Variants in USP40 observed in about 807,000 individuals in gnomAD.
USP40 encodes the protein ubiquitin carboxyl-terminal hydrolase 40.
Under a neutral mutation model 166.2 loss-of-function variants are expected in USP40, and 143 were observed. That is an observed-to-expected ratio of 0.86 (90% CI 0.75 to 0.99). USP40 has a LOEUF of 0.99. Among genes scored for constraint, USP40 ranks in the 50% least tolerant of loss-of-function variants. The pLI, the probability that USP40 is intolerant of heterozygous loss-of-function variation, is 0.00. For synonymous variants in USP40, 498 were observed against 524.0 expected (o/e 0.95, Z 0.68); for missense variants, 1,444 against 1,479.7 (o/e 0.98, Z 0.40).
intron 30 of USP40, among the ~76,000 whole-genome samples, chr2:233,483,362 G>A (rs1369534499): frequency 4.6e-5 from 7 of 152,180 alleles, no homozygotes; most frequent in South Asian, 2.1e-4. Flanking sequence ...ATAATGGCAC[G>A]TGCCTGTGGT....
At chr2:233,531,154 C>A (rs1362586971) in intron 11 of USP40, among the ~76,000 whole-genome samples, 2 of 152,122 alleles carry the variant, frequency 1.3e-5, no homozygotes, top group Non-Finnish European at 2.9e-5. Flanking sequence ...TGAAGAGCTA[C>A]CTTACCACGG....
chr2:233,556,770 C>A, intron 5 of USP40, 85 bp downstream of exon 5: 1 of 1,263,822 alleles, frequency 7.9e-7, no homozygotes, highest in Non-Finnish European at 1.0e-6. Context: ...ACACTTTAAT[C>A]CTTGTGTGGT....
At position 233,476,669 on chromosome 2, in the gene USP40, C is replaced by G. The variant is rs1052242944; in HGVS notation, c.*723G>C. On this transcript the variant is annotated 3_prime_UTR_variant, in exon 32 of 32. Coordinates refer to ENST00000678225, the MANE Select transcript of USP40 (RefSeq NM_001365479.2). ...GCTGCAGTCCTCGGGATCCAAGGAC[C>G]TTCTGATCACAGAGCACCCAGGATA... The G allele has an allele frequency of 6.5e-6, 1 of 153,506 alleles. No homozygotes were observed. Among genetic ancestry groups the G allele is most frequent in the Admixed American group, 6.5e-5 (1 of 15,498 alleles). 9.5% of individuals were successfully genotyped at this position (153,506 alleles called of 1,614,324 possible).
chr2:233,513,507 A>G (rs940232373), intron 18 of USP40, among the ~76,000 whole-genome samples: 1 of 152,124 alleles, frequency 6.6e-6, no homozygotes, highest in Non-Finnish European at 1.5e-5. Context: ...TTATGTGATG[A>G]ATTGTGCCCT....
In USP40 at chr2:233,554,421, A is replaced by C; in HGVS notation, c.652T>G (p.Tyr218Asp). ...EEEVFDCDNL[Y>D]HCGTCDRLVK... The stretch of plus-strand genomic sequence containing the variant: ...AGCCTGTCACAAGTTCCACAGTGGT[A>C]CAAGTTGTCACAATCAAAAACTTCC... The change falls in exon 6 of 32, where the codon TAC (tyrosine) becomes GAC (aspartate). Residue 218 changes from tyrosine (Y) to aspartate (D), a missense_variant. Transcript: ENST00000678225. 1.9e-6 allele frequency: 3 copies of C among 1,613,260 alleles called. No homozygotes were observed. The highest frequency in any genetic ancestry group is 2.5e-6 in the Non-Finnish European group (3 of 1,179,616).
intron 20 of USP40, among the ~76,000 whole-genome samples, chr2:233,510,392 CTTTTTTTTTTT>C (rs1158427662): frequency 4.4e-5 from 3 of 68,690 alleles, no homozygotes; most frequent in South Asian, 5.1e-4. Flanking sequence ...CTTTTTCTTT[CTTTTTTTTTTT>C]TTTTTTTTTT....
chr2:233,521,911 C>A (rs770132312), intron 16 of USP40, among the ~76,000 whole-genome samples: 12 of 152,196 alleles, frequency 7.9e-5, no homozygotes, highest in Non-Finnish European at 1.2e-4. Context: ...ACATTTAGCA[C>A]TTACTGTGTG....
At position 233,524,519 on chromosome 2, in the gene USP40, T is replaced by C; in HGVS notation, c.1854A>G (p.Glu618=). 1 of 1,607,326 alleles carries C rather than the reference T, an allele frequency of 6.2e-7. No homozygotes were observed. The highest frequency in any genetic ancestry group is 8.5e-7 in the Non-Finnish European group (1 of 1,177,440). Reference sequence around the variant, plus strand: ...CCACCCCATTCCACACAAAGATGTCTTCCCCATCAGCAATTTCAGTTTCAC... The same window carrying C: ...CCACCCCATTCCACACAAAGATGTCCTCCCCATCAGCAATTTCAGTTTCAC... The part of the protein sequence containing the change: ...TLCETEIADG[E]DIFVWNGVEV... Residue 618 remains glutamate, a synonymous_variant, in exon 15 of 32, where the codon GAA becomes GAG. Transcript: ENST00000678225.
intron 26 of USP40, chr2:233,490,921 G>A (rs1040499836): frequency 5.5e-5 from 34 of 615,518 alleles, no homozygotes; most frequent in African/African-American, 4.7e-4. Context: ...AAAGCCGCAA[G>A]TCACTGAGGA....
At position 233,498,516 on chromosome 2, in the gene USP40, T is replaced by C. The variant is rs1247220151; in HGVS notation, c.2715+32A>G. The C allele has an allele frequency of 8.2e-6, 13 of 1,590,826 alleles. No homozygotes were observed. In the African/African-American group the frequency reaches 1.5e-4, roughly 18 times the overall value. Reference sequence around the variant, plus strand: ...CGAAAATATGACATAAATGTAATCATACGAAAGTACAATGTATAGAAATCA... The same window carrying C: ...CGAAAATATGACATAAATGTAATCACACGAAAGTACAATGTATAGAAATCA... On this transcript the variant is annotated intron_variant, in intron 23 of 31. Coordinates refer to ENST00000678225, the MANE Select transcript of USP40 (RefSeq NM_001365479.2).
At chr2:233,512,190 T>C (rs543621810) in intron 19 of USP40, 131 of 187,516 alleles carry the variant, frequency 7.0e-4, no homozygotes, top group African/African-American at 2.9e-3. Flanking sequence ...GGCTCATCCA[T>C]GACTAAATTA....
chr2:233,484,474 CTTT>C (rs1222375562), intron 30 of USP40, among the ~76,000 whole-genome samples: 7 of 144,044 alleles, frequency 4.9e-5, no homozygotes, highest in South Asian at 2.2e-4. Context: ...TTTGAATCTC[CTTT>C]TTTTTTTTTT....
chr2:233,561,734 A>C (rs1432947189), intron 3 of USP40, among the ~76,000 whole-genome samples: 1 of 149,310 alleles, frequency 6.7e-6, no homozygotes, highest in African/African-American at 2.5e-5. Context: ...TAATTAAACT[A>C]AAGAGCTTCT....
At chr2:233,514,446 A>C (rs2067045301) in intron 18 of USP40, among the ~76,000 whole-genome samples, 1 of 152,182 alleles carries the variant, frequency 6.6e-6, no homozygotes, top group Non-Finnish European at 1.5e-5. Context: ...TTGGGGGTTA[A>C]AGAGAGCTTG....
At chr2:233,520,580 T>C (rs2125211234) in intron 17 of USP40, among the ~76,000 whole-genome samples, 1 of 152,128 alleles carries the variant, frequency 6.6e-6, no homozygotes, top group East Asian at 1.9e-4. Flanking sequence ...GAGTATAATG[T>C]AAAACAATTT....
chr2:233,560,791 T>C (rs73996128), intron 3 of USP40: 4,730 of 468,800 alleles, frequency 0.01, 168 homozygotes, highest in African/African-American at 0.083. Flanking sequence ...GAAAGAATAC[T>C]AGCCTCTATT....
intron 12 of USP40, among the ~76,000 whole-genome samples, 190 bp from the exon 13 acceptor site, chr2:233,527,768 A>T (rs1322862475): frequency 6.6e-6 from 1 of 152,198 alleles, no homozygotes; most frequent in African/African-American, 2.4e-5. Context: ...TGTCACCATG[A>T]ATTCCAAGAG....
rs182759862 is a variant in USP40, at chr2:233,517,257, C to T, written c.2383+2357G>A. On this transcript the variant is annotated intron_variant, in intron 18 of 31. Coordinates refer to ENST00000678225, the MANE Select transcript of USP40 (RefSeq NM_001365479.2). ...AAACTAGTACAGCCACTATGGAAAA[C>T]AGTGTGGAGATTCCTTAAAGAACTA... 6.4e-3 allele frequency among the ~76,000 whole-genome samples: 972 copies of T among 152,214 alleles called. 4 individuals are homozygous for T. Among genetic ancestry groups the T allele is most frequent in the African/African-American group, 0.022 (919 of 41,522 alleles).
chr2:233,512,053 A>G (rs2066878244), intron 19 of USP40: 1 of 330,358 alleles, frequency 3.0e-6, no homozygotes, highest in African/African-American at 2.2e-5. Context: ...CCTACTTAAT[A>G]AAAATGACTT....
Sources: gnomAD v4.1 joint callset for allele counts (sites outside exome capture counted in the v4.1 genomes callset) on GRCh38, gnomAD v4.1.1 for gene constraint, MANE v1.5 for transcripts, NCBI Gene and HGNC (gene_info 2026-07-23, HGNC 2026-07-21) for gene names.